TAFA2: variants seen among roughly 807,000 people sequenced by gnomAD.
TAFA2 encodes the protein TAFA chemokine like family member 2.
In TAFA2, 7 loss-of-function variants were observed where a neutral mutation model predicts 18.8. The observed-to-expected ratio is 0.37, with a 90% confidence interval of 0.21 to 0.70. The LOEUF (loss-of-function observed/expected upper bound fraction) is 0.70. TAFA2 is among the 30% of genes least tolerant of loss of function. The pLI is 0.53. For missense variants in TAFA2, 122 were observed against 158.1 expected (o/e 0.77, Z 1.23); for synonymous variants, 60 against 54.2 (o/e 1.11, Z -0.47).
intron 2 of TAFA2, among the ~76,000 whole-genome samples, chr12:61,805,360 C>T (rs893903114): frequency 7.2e-5 from 11 of 151,934 alleles, no homozygotes; most frequent in African/African-American, 1.4e-4. Context: ...TTACCTCATT[C>T]GTGATCCAAT....
At position 62,056,271 on chromosome 12, in the gene TAFA2, T is replaced by C. The variant is rs541738963; in HGVS notation, c.-2+134988A>G. Among the ~76,000 whole-genome samples the C allele has an allele frequency of 2.1e-3, 318 of 152,278 alleles. 1 individual carries two copies. The highest frequency in any genetic ancestry group is 3.8e-3 in the Non-Finnish European group (261 of 68,016). On this transcript the variant is annotated intron_variant, in intron 1 of 4. Transcript: ENST00000416284. ...CTACATCGCCAGATATTTAAAACAC[T>C]CCCTTCTTCAATTTAGCAAAATGCT...
At chr12:61,864,877 T>C (rs1370829014) in intron 2 of TAFA2, among the ~76,000 whole-genome samples, 1 of 152,022 alleles carries the variant, frequency 6.6e-6, no homozygotes, top group Non-Finnish European at 1.5e-5. Flanking sequence ...TATTCATCTG[T>C]ATTATTTTTA....
At chr12:61,749,804 T>C (rs1436510074) in intron 4 of TAFA2, among the ~76,000 whole-genome samples, 1 of 152,100 alleles carries the variant, frequency 6.6e-6, no homozygotes, top group African/African-American at 2.4e-5. Context: ...TAAAGTCTTA[T>C]ATAATACGAA....
At chr12:62,077,750 G>T (rs1393511740) in intron 1 of TAFA2, among the ~76,000 whole-genome samples, 1 of 151,932 alleles carries the variant, frequency 6.6e-6, no homozygotes, top group African/African-American at 2.4e-5. Flanking sequence ...ATTATGCCAT[G>T]TACTCTCACA....
At chr12:62,175,066 C>A (rs1046818989) in intron 1 of TAFA2, among the ~76,000 whole-genome samples, 8 of 152,110 alleles carry the variant, frequency 5.3e-5, no homozygotes, top group Non-Finnish European at 1.2e-4. Context: ...GATTTAGACT[C>A]CAGAATTAAT....
chr12:62,225,679 A>G (rs187105791), intron 1 of TAFA2, among the ~76,000 whole-genome samples: 4 of 152,332 alleles, frequency 2.6e-5, no homozygotes, highest in East Asian at 1.9e-4. Flanking sequence ...CAAAGGAGAC[A>G]TTTTATAGAA....
chr12:61,938,893 T>C (rs1474428524), intron 1 of TAFA2, among the ~76,000 whole-genome samples: 2 of 151,830 alleles, frequency 1.3e-5, no homozygotes, highest in South Asian at 2.1e-4. Context: ...ATAATGGACT[T>C]TGGAGACTCA....
chr12:62,172,719 A>G (rs2062486648), intron 1 of TAFA2, among the ~76,000 whole-genome samples: 1 of 152,224 alleles, frequency 6.6e-6, no homozygotes. Context: ...GGTGCCTAAT[A>G]CAGACTAATT....
intron 1 of TAFA2, among the ~76,000 whole-genome samples, chr12:62,096,367 TG>T (rs1295615572): frequency 1.3e-5 from 2 of 152,144 alleles, no homozygotes; most frequent in African/African-American, 4.8e-5. Flanking sequence ...TAACTATACC[TG>T]AGTCAAAAGG....
intron 2 of TAFA2, among the ~76,000 whole-genome samples, chr12:61,794,468 A>G (rs185648092): frequency 8.0e-4 from 121 of 152,178 alleles, no homozygotes; most frequent in Non-Finnish European, 1.4e-3. Flanking sequence ...ACCTGAGAAA[A>G]GATGTGTAAG....
intron 1 of TAFA2, among the ~76,000 whole-genome samples, chr12:62,045,243 A>G (rs1019778533): frequency 6.6e-6 from 1 of 152,090 alleles, no homozygotes; most frequent in South Asian, 2.1e-4. Flanking sequence ...TTCATTTCCA[A>G]CTTTTTTTAT....
chr12:62,009,896 G>A (rs1880673455), intron 1 of TAFA2, among the ~76,000 whole-genome samples: 1 of 152,120 alleles, frequency 6.6e-6, no homozygotes, highest in Non-Finnish European at 1.5e-5. Context: ...TGATAGGAAT[G>A]CCTTGGTGAC....
At chr12:61,724,262 T>C (rs1232154421) in intron 4 of TAFA2, among the ~76,000 whole-genome samples, 3 of 152,166 alleles carry the variant, frequency 2.0e-5, no homozygotes, top group Non-Finnish European at 4.4e-5. Context: ...TAATAGTTTC[T>C]GAATGTGGAA....
intron 2 of TAFA2, among the ~76,000 whole-genome samples, chr12:61,830,952 T>C (rs1872700127): frequency 6.6e-6 from 1 of 152,074 alleles, no homozygotes; most frequent in South Asian, 2.1e-4. Flanking sequence ...AAGCATTTTA[T>C]TCATATCAAT....
At chr12:61,991,513 T>A (rs1456407836) in intron 1 of TAFA2, among the ~76,000 whole-genome samples, 1 of 152,232 alleles carries the variant, frequency 6.6e-6, no homozygotes, top group Non-Finnish European at 1.5e-5. Context: ...TAAATCGCTA[T>A]ATTTTCATAC....
Position 62,058,827 on chromosome 12 carries a change from G to A in TAFA2, c.-2+132432C>T, listed in dbSNP as rs112703691. On this transcript the variant is annotated intron_variant, in intron 1 of 4. Coordinates refer to ENST00000416284, the MANE Select transcript of TAFA2 (RefSeq NM_178539.5). ...ATTTTAAAAAATATATCTGAGTGCG[G>A]GTGCAATGGCTCACGCCTGTAATCC... 7.9e-3 allele frequency among the ~76,000 whole-genome samples: 1,210 copies of A among 152,266 alleles called. 18 individuals are homozygous for A. The highest frequency in any genetic ancestry group is 0.028 in the African/African-American group (1,144 of 41,550).
intron 2 of TAFA2, among the ~76,000 whole-genome samples, chr12:61,865,119 G>A (rs1374470196): frequency 3.3e-5 from 5 of 151,996 alleles, no homozygotes; most frequent in African/African-American, 1.2e-4. Flanking sequence ...CCTCCTGAAA[G>A]GAAAGAAAAA....
In TAFA2 at chr12:62,198,734, A is replaced by G. The variant is rs147323896; in HGVS notation, c.-130+60029T>C. 2.5e-3 allele frequency among the ~76,000 whole-genome samples: 374 copies of G among 152,336 alleles called. 2 individuals carry two copies. The highest frequency in any genetic ancestry group is 4.2e-3 in the Non-Finnish European group (285 of 68,018). On this transcript the variant is annotated intron_variant, in intron 1 of 5. Coordinates refer to the TAFA2 transcript ENST00000551619. The stretch of plus-strand genomic sequence containing the variant: ...ATCAAGTGAATGGAAGGAAGCACAG[A>G]ATTCATTCCACACAACCCAAGGTTA...
At chr12:61,986,690 T>C (rs974269590) in intron 1 of TAFA2, among the ~76,000 whole-genome samples, 17 of 151,678 alleles carry the variant, frequency 1.1e-4, no homozygotes, top group Admixed American at 1.1e-3. Context: ...TGTTCAATAA[T>C]CAAACTCACC....
Sources: gnomAD v4.1 joint callset for allele counts (sites outside exome capture counted in the v4.1 genomes callset) on GRCh38, gnomAD v4.1.1 for gene constraint, MANE v1.5 for transcripts, NCBI Gene and HGNC (gene_info 2026-07-23, HGNC 2026-07-21) for gene names.